Variants in MFHAS1 observed in about 807,000 individuals in gnomAD.
MFHAS1 encodes multifunctional ROCO family signaling regulator 1.
MFHAS1 carries 50 observed loss-of-function variants against 70.4 expected under a neutral mutation model. The observed-to-expected ratio is 0.71, with a 90% CI of 0.57 to 0.90. The LOEUF is 0.90. Ranked by LOEUF, MFHAS1 falls within the 40% of genes least tolerant of loss-of-function variation. MFHAS1 has a pLI of 0.00. For missense variants in MFHAS1, 1,795 were observed against 1,347.6 expected (o/e 1.33, Z -5.20); for synonymous variants, 952 against 620.0 (o/e 1.54, Z -7.96).
intron 1 of MFHAS1, among the ~76,000 whole-genome samples, chr8:8,841,216 C>T (rs188669812): frequency 1.3e-5 from 2 of 152,080 alleles, no homozygotes; most frequent in East Asian, 3.9e-4. Context: ...GGCTCACAAC[C>T]GTAATCCTAG....
At chr8:8,874,473 G>C (rs1022411731) in intron 1 of MFHAS1, among the ~76,000 whole-genome samples, 1 of 152,084 alleles carries the variant, frequency 6.6e-6, no homozygotes, top group African/African-American at 2.4e-5. Flanking sequence ...AAGGAGTACA[G>C]CATGATCTCA....
intron 1 of MFHAS1, among the ~76,000 whole-genome samples, chr8:8,832,052 G>GCA (rs1221795082): frequency 2.9e-3 from 104 of 35,840 alleles, no homozygotes; most frequent in African/African-American, 5.9e-3. Context: ...ACATGCACGC[G>GCA]CGCGCGCGCG....
intron 1 of MFHAS1, among the ~76,000 whole-genome samples, chr8:8,882,979 C>A (rs554037641): frequency 1.8e-4 from 27 of 151,906 alleles, no homozygotes; most frequent in African/African-American, 6.5e-4. Context: ...ATGGTGAAAC[C>A]CTGTGTCTAC....
intron 1 of MFHAS1, among the ~76,000 whole-genome samples, chr8:8,815,494 G>A (rs976460398): frequency 6.6e-6 from 1 of 152,178 alleles, no homozygotes; most frequent in Non-Finnish European, 1.5e-5. Context: ...CAGTGTAAAA[G>A]CATTCCTATT....
chr8:8,818,831 T>TTCCC (rs1806840237), intron 1 of MFHAS1, among the ~76,000 whole-genome samples: 4 of 152,198 alleles, frequency 2.6e-5, no homozygotes, highest in African/African-American at 7.2e-5. Flanking sequence ...GCTATCATTA[T>TTCCC]ATTTCATCCC....
rs1324152571 is a variant in MFHAS1, at chr8:8,890,154, G to A, written c.2905C>T (p.Leu969=). ...ITPLVEELNV[L]LQEWPGLHYT... The stretch of plus-strand genomic sequence containing the variant: ...TGCAGTCCAGGCCATTCCTGAAGTA[G>A]GACATTCAGTTCCTCCACCAAGGGG... Residue 969 remains leucine, a synonymous_variant, in exon 1 of 3, where the codon CTA becomes TTA. Transcript: ENST00000276282. 6.2e-7 allele frequency: 1 copy of A among 1,614,200 alleles called. No homozygotes were observed.
At chr8:8,824,930 G>A (rs1030829843) in intron 1 of MFHAS1, among the ~76,000 whole-genome samples, 1 of 152,342 alleles carries the variant, frequency 6.6e-6, no homozygotes. Context: ...AGTCAGATGC[G>A]CTTCTCTGCC....
intron 1 of MFHAS1, among the ~76,000 whole-genome samples, chr8:8,877,219 G>C (rs1359360816): frequency 2.8e-5 from 4 of 144,746 alleles, no homozygotes; most frequent in Non-Finnish European, 6.0e-5. Flanking sequence ...AGGATCACTG[G>C]AGCCCAGAAG....
intron 1 of MFHAS1, among the ~76,000 whole-genome samples, chr8:8,827,048 T>G (rs1000151491): frequency 5.3e-5 from 8 of 152,194 alleles, no homozygotes; most frequent in African/African-American, 1.9e-4. Flanking sequence ...CTTACTGATA[T>G]CCCGTATATC....
At chr8:8,817,595 G>T (rs550167116) in intron 1 of MFHAS1, among the ~76,000 whole-genome samples, 2 of 152,336 alleles carry the variant, frequency 1.3e-5, no homozygotes, top group African/African-American at 4.8e-5. Context: ...CCGCAGATGG[G>T]GGGGCTCTCG....
At chr8:8,793,675 G>C (rs1009424867) in intron 2 of MFHAS1, among the ~76,000 whole-genome samples, 2 of 152,228 alleles carry the variant, frequency 1.3e-5, no homozygotes, top group Non-Finnish European at 2.9e-5. Context: ...CAGACAGCAT[G>C]GACAGTTTTG....
intron 1 of MFHAS1, among the ~76,000 whole-genome samples, chr8:8,830,649 C>G (rs1807351395): frequency 1.3e-5 from 2 of 152,200 alleles, no homozygotes; most frequent in African/African-American, 2.4e-5. Flanking sequence ...TTCTTCTAGG[C>G]TGCAGTGCAG....
At chr8:8,796,788 G>A (rs919365515) in intron 2 of MFHAS1, among the ~76,000 whole-genome samples, 4 of 150,818 alleles carry the variant, frequency 2.7e-5, no homozygotes, top group Non-Finnish European at 5.9e-5. Context: ...GAGGTCAGGA[G>A]ATCGAGATCA....
chr8:8,791,127 T>A (rs1159365723), intron 2 of MFHAS1, among the ~76,000 whole-genome samples: 2 of 73,842 alleles, frequency 2.7e-5, no homozygotes, highest in African/African-American at 7.3e-5. Flanking sequence ...CCCCACCCGT[T>A]TTTTTTTTTT....
rs1805528768 is a variant in MFHAS1 at position 8,785,990 on chromosome 8, T to C, written c.*32A>G. 6.2e-7 allele frequency: 1 copy of C among 1,613,032 alleles called. No individual in the cohort carries two copies. The highest frequency in any genetic ancestry group is 1.7e-5 in the Admixed American group (1 of 59,986). ...ATGGTCCAGGTGTTCAGATGCTCTC[T>C]TTTCTCCATGGAAATTCCACAGCCA... On this transcript the variant is annotated 3_prime_UTR_variant, in exon 3 of 3. Transcript: ENST00000276282.
chr8:8,849,857 T>C (rs549224681), intron 1 of MFHAS1, among the ~76,000 whole-genome samples: 5 of 152,234 alleles, frequency 3.3e-5, no homozygotes, highest in African/African-American at 7.2e-5. Context: ...TTGCCTGGTA[T>C]GACCCAGGGA....
intron 1 of MFHAS1, among the ~76,000 whole-genome samples, chr8:8,862,790 C>G (rs1206836669): frequency 6.6e-6 from 1 of 152,118 alleles, no homozygotes; most frequent in Admixed American, 6.6e-5. Context: ...GTTGGGGATG[C>G]TACTAATGGA....
chr8:8,824,236 T>C (rs1436043678), intron 1 of MFHAS1, among the ~76,000 whole-genome samples: 1 of 151,890 alleles, frequency 6.6e-6, no homozygotes, highest in Non-Finnish European at 1.5e-5. Context: ...GCAGGATGCC[T>C]GGAGGCCAAT....
intron 2 of MFHAS1, among the ~76,000 whole-genome samples, chr8:8,789,220 T>C (rs1312708614): frequency 8.6e-5 from 13 of 151,780 alleles, no homozygotes; most frequent in African/African-American, 3.2e-4. Flanking sequence ...ACAGATGAGA[T>C]GGGATAAAAG....
Sources: allele counts gnomAD v4.1 joint callset (sites outside exome capture counted in the v4.1 genomes callset), GRCh38; gene constraint gnomAD v4.1.1; transcripts MANE v1.5; gene names NCBI Gene and HGNC (gene_info 2026-07-23, HGNC 2026-07-21).